Variants in NGFR observed in about 807,000 individuals in gnomAD.
The protein encoded by NGFR is nerve growth factor receptor.
A neutral mutation model predicts 43.2 loss-of-function variants in NGFR; 30 were observed. The observed-to-expected ratio is 0.69, with a 90% CI of 0.52 to 0.94. The LOEUF (loss-of-function observed/expected upper bound fraction) is 0.94. Among genes scored for constraint, NGFR ranks in the 40% least tolerant of loss-of-function variants. The probability of loss-of-function intolerance (pLI) is 0.00; values close to 1 mark genes in which losing one functional copy is unlikely to be tolerated. For missense variants in NGFR, 529 were observed against 602.5 expected, an observed-to-expected ratio of 0.88 and a Z score of 1.28; for synonymous variants, 246 against 259.6, an observed-to-expected ratio of 0.95 and a Z score of 0.50.
chr17:49,503,341 C>T (rs547798372), intron 2 of NGFR, among the ~76,000 whole-genome samples: 5 of 152,302 alleles, frequency 3.3e-5, no homozygotes, highest in Admixed American at 6.5e-5. Flanking sequence ...TCAGGAGTCT[C>T]GGTCCCTGAT....
chr17:49,496,259 C>T (rs959510047), intron 1 of NGFR: 1 of 152,292 alleles, frequency 6.6e-6, no homozygotes, highest in Non-Finnish European at 1.5e-5. Flanking sequence ...TGGACATTTC[C>T]AGCGCCTGTC....
At chr17:49,501,999 A>AGGGCCCCCCCC in intron 1 of NGFR, 64 bp from the exon 2 acceptor site, 1 of 330,984 alleles carries the variant, frequency 3.0e-6, no homozygotes, top group Non-Finnish European at 5.9e-6. Flanking sequence ...TCCCCGGAAG[A>AGGGCCCCCCCC]ACCCCCCCCA....
At chr17:49,499,700 G>A (rs771312606) in intron 1 of NGFR, among the ~76,000 whole-genome samples, 1 of 152,122 alleles carries the variant, frequency 6.6e-6, no homozygotes, top group Non-Finnish European at 1.5e-5. Context: ...CGATTCTCCT[G>A]CCTCAGCCTC....
intron 3 of NGFR, among the ~76,000 whole-genome samples, chr17:49,509,411 C>T (rs1156512037): frequency 6.6e-6 from 1 of 152,176 alleles, no homozygotes; most frequent in African/African-American, 2.4e-5. Flanking sequence ...GGCAACATTG[C>T]CCAGACAAGT....
At position 49,495,629 on chromosome 17, in the gene NGFR, AC is replaced by A; in HGVS notation, c.66+148del. On this transcript the variant is annotated intron_variant, in intron 1 of 5. Transcript: ENST00000172229. The surrounding 1 kb of genome is among the most constrained non-coding windows in gnomAD (Gnocchi z 6.4). The stretch of plus-strand genomic sequence containing the variant: ...GTGGGAAAGGACCTCTGATGCCGGG[AC>A]CACGAAGGAGGGTCTAGGGTTCCCG... 1.4e-6 allele frequency: 1 copy of A among 705,650 alleles called. No homozygotes were observed. The highest frequency in any genetic ancestry group is 2.0e-6 in the Non-Finnish European group (1 of 505,496). The allele number at this position is 705,650 out of a possible 1,614,324, so 43.7% of individuals were successfully genotyped here. A position where few individuals can be genotyped will look rare whatever the true frequency, so the allele number is the denominator to read the frequency against.
chr17:49,502,982 C>T (rs891152263), intron 2 of NGFR, among the ~76,000 whole-genome samples: 1 of 151,980 alleles, frequency 6.6e-6, no homozygotes, highest in African/African-American at 2.4e-5. Flanking sequence ...ATGGCATGAT[C>T]TCAACTCACT....
intron 1 of NGFR, chr17:49,496,015 C>T (rs2071136098): frequency 6.8e-6 from 1 of 146,504 alleles, no homozygotes; most frequent in Non-Finnish European, 1.5e-5. Flanking sequence ...GGGGACCCGG[C>T]AAGGACAATG....
intron 2 of NGFR, among the ~76,000 whole-genome samples, chr17:49,503,306 G>T (rs1038430154): frequency 6.6e-6 from 1 of 152,170 alleles, no homozygotes; most frequent in African/African-American, 2.4e-5. Flanking sequence ...CTTGTCCAGG[G>T]TCTGAATTCC....
At chr17:49,496,621 T>G (rs2071139725) in intron 1 of NGFR, 1 of 152,142 alleles carries the variant, frequency 6.6e-6, no homozygotes, top group South Asian at 2.1e-4. Flanking sequence ...GCTGCCTGCC[T>G]GCGAGTCTGG....
chr17:49,506,939 A>G (rs1461097309), intron 3 of NGFR, among the ~76,000 whole-genome samples: 38 of 152,082 alleles, frequency 2.5e-4, no homozygotes, highest in Admixed American at 2.5e-3. Flanking sequence ...CGCGGGTACT[A>G]CATTGTAACT....
intron 1 of NGFR, among the ~76,000 whole-genome samples, chr17:49,501,281 C>T (rs1408963111): frequency 6.6e-6 from 1 of 152,198 alleles, no homozygotes; most frequent in Non-Finnish European, 1.5e-5. Context: ...CAGGGCAGGG[C>T]TGCTGGGTGG....
chr17:49,506,699 G>GGGGGGGGGGGC, intron 3 of NGFR, 41 bp downstream of exon 3: 2 of 402,094 alleles, frequency 5.0e-6, no homozygotes, highest in African/African-American at 2.2e-5. Flanking sequence ...GGGGTGCGGG[G>GGGGGGGGGGGC]GTGGGCTGGG....
At chr17:49,502,845 T>TTCCTTCCTTCCG (rs2071175566) in intron 2 of NGFR, among the ~76,000 whole-genome samples, 1 of 149,456 alleles carries the variant, frequency 6.7e-6, no homozygotes. Context: ...CCTTCCTTCC[T>TTCCTTCCTTCCG]TCCTTCCTTC....
rs1433865645 is a variant in NGFR, at chr17:49,495,442, G to A, written c.25G>A (p.Ala9Thr). 8.1e-7 allele frequency: 1 copy of A among 1,235,954 alleles called. No individual in the cohort carries two copies. The highest frequency in any genetic ancestry group is 1.0e-6 in the Non-Finnish European group (1 of 988,744). 76.6% of individuals were successfully genotyped at this position (1,235,954 alleles called of 1,614,324 possible). MGAGATGR[A>T]MDGPRLLLLL... ...GATGGGGGCAGGTGCCACCGGCCGC[G>A]CCATGGACGGGCCGCGCCTGCTGCT... The change falls in exon 1 of 6, where the codon GCC (alanine) becomes ACC (threonine). Residue 9 changes from alanine to threonine, a missense_variant. Coordinates refer to ENST00000172229, the MANE Select transcript of NGFR (RefSeq NM_002507.4). This position sits in a 1 kb window ranked among gnomAD's most constrained non-coding sequence, Gnocchi z 6.4.
chr17:49,506,099 T>C, intron 2 of NGFR, 200 bp from the exon 3 acceptor site: 1 of 1,081,162 alleles, frequency 9.2e-7, no homozygotes, highest in Non-Finnish European at 1.2e-6. Context: ...GCTCCGGGCC[T>C]CCTCCCCCTT....
chr17:49,513,135 G>A lies in NGFR; in HGVS notation c.*126G>A. ...TGGCAGAACTGAGCTCCTCTGGGCA[G>A]GACCTCAGAGTCCAGGCCCCAAAAC... is the stretch of plus-strand genomic sequence containing the variant. On this transcript the variant is annotated 3_prime_UTR_variant, in exon 6 of 6. Transcript: ENST00000172229. 9.5e-7 allele frequency: 1 copy of A among 1,049,118 alleles called. No homozygotes were observed. The highest frequency in any genetic ancestry group is 1.3e-6 in the Non-Finnish European group (1 of 749,268). The allele number at this position is 1,049,118 out of a possible 1,614,324, so 65.0% of individuals were successfully genotyped here. A position where few individuals can be genotyped will look rare whatever the true frequency, so the allele number is the denominator to read the frequency against.
chr17:49,503,315 C>A (rs1055273665), intron 2 of NGFR, among the ~76,000 whole-genome samples: 1 of 152,156 alleles, frequency 6.6e-6, no homozygotes, highest in Non-Finnish European at 1.5e-5. Context: ...GGTCTGAATT[C>A]CCTCATGCTT....
At chr17:49,502,015 C>T (rs750909966) in intron 1 of NGFR, 48 bp from the exon 2 acceptor site, 2 of 1,228,616 alleles carry the variant, frequency 1.6e-6, no homozygotes, top group South Asian at 3.8e-5. Flanking sequence ...CCCCAACCCA[C>T]CCCAGCTTTC....
chr17:49,513,131 G>T lies in NGFR; in HGVS notation c.*122G>T. Reference sequence around the variant, plus strand: ...CGCCTGGCAGAACTGAGCTCCTCTGGGCAGGACCTCAGAGTCCAGGCCCCA... The same window carrying T: ...CGCCTGGCAGAACTGAGCTCCTCTGTGCAGGACCTCAGAGTCCAGGCCCCA... On this transcript the variant is annotated 3_prime_UTR_variant, in exon 6 of 6. Transcript: ENST00000172229. 9.0e-7 allele frequency: 1 copy of T among 1,110,978 alleles called. No individual in the cohort carries two copies. The allele number at this position is 1,110,978 out of a possible 1,614,324, so 68.8% of individuals were successfully genotyped here.
Sources: gnomAD v4.1 joint callset for allele counts (sites outside exome capture counted in the v4.1 genomes callset) on GRCh38, gnomAD v4.1.1 for gene constraint, Gnocchi (gnomAD v3.1) non-coding constraint, MANE v1.5 for transcripts, NCBI Gene and HGNC (gene_info 2026-07-23, HGNC 2026-07-21) for gene names.